EVL: variants seen among roughly 807,000 people sequenced by gnomAD.
EVL encodes the protein Enah/Vasp-like.
A neutral mutation model predicts 59.6 loss-of-function variants in EVL; 21 were observed. That is an observed-to-expected ratio of 0.35 (90% CI 0.25 to 0.51). The LOEUF is 0.51. Ranked by LOEUF, EVL falls within the 20% of genes least tolerant of loss-of-function variation. The probability of loss-of-function intolerance (pLI) is 0.97; values close to 1 mark genes in which losing one functional copy is unlikely to be tolerated. For missense variants in EVL, 462 were observed against 546.6 expected (o/e 0.85, Z 1.54); for synonymous variants, 198 against 203.5 (o/e 0.97, Z 0.23).
chr14:99,988,690 G>A (rs763674967), intron 1 of EVL, among the ~76,000 whole-genome samples: 2 of 152,142 alleles, frequency 1.3e-5, no homozygotes, highest in African/African-American at 4.8e-5. Context: ...AAATGTTCAC[G>A]AATCGATGAA....
chr14:100,005,431 A>G (rs745750567), intron 1 of EVL, among the ~76,000 whole-genome samples: 8 of 152,186 alleles, frequency 5.3e-5, no homozygotes, highest in Non-Finnish European at 1.2e-4. Context: ...TGTAACCCCT[A>G]TGCCAAATTT....
At chr14:100,053,161 T>C (rs2061673052) in intron 1 of EVL, among the ~76,000 whole-genome samples, 1 of 152,194 alleles carries the variant, frequency 6.6e-6, no homozygotes, top group Non-Finnish European at 1.5e-5. Context: ...GGCTTCAACA[T>C]ATGAATTTTG....
intron 4 of EVL, among the ~76,000 whole-genome samples, chr14:100,124,363 G>A (rs1161781782): frequency 6.6e-6 from 1 of 152,166 alleles, no homozygotes; most frequent in Non-Finnish European, 1.5e-5. Flanking sequence ...CTCACCAAAT[G>A]GCATACGGAC....
intron 2 of EVL, among the ~76,000 whole-genome samples, chr14:100,089,315 C>T (rs947506476): frequency 1.3e-5 from 2 of 152,176 alleles, no homozygotes; most frequent in African/African-American, 4.8e-5. Flanking sequence ...CTATAGCCAA[C>T]AACTGTACGA....
intron 4 of EVL, 73 bp downstream of exon 4, chr14:100,123,675 G>A (rs1887844940): frequency 6.6e-7 from 1 of 1,509,650 alleles, no homozygotes; most frequent in Non-Finnish European, 9.2e-7. Context: ...GCCTTCAGCG[G>A]GTGAGGATGC....
chr14:100,128,249 G>A (rs549062134), intron 5 of EVL, among the ~76,000 whole-genome samples: 8 of 152,344 alleles, frequency 5.3e-5, no homozygotes, highest in African/African-American at 1.7e-4. Flanking sequence ...AGAGGAAATT[G>A]CCTGGGCTCA....
chr14:100,141,706 C>T (rs1293290041), intron 12 of EVL, 30 bp from the exon 13 acceptor site: 1 of 1,610,618 alleles, frequency 6.2e-7, no homozygotes, highest in Non-Finnish European at 8.5e-7. Flanking sequence ...CACTGCCTGT[C>T]CCTTCACCTG....
intron 1 of EVL, among the ~76,000 whole-genome samples, chr14:100,082,778 T>C (rs1170472167): frequency 1.3e-5 from 2 of 152,214 alleles, no homozygotes. Context: ...TAGAAGCATC[T>C]CAGACCACAT....
intron 1 of EVL, among the ~76,000 whole-genome samples, chr14:99,993,656 A>G (rs1317606084): frequency 7.0e-6 from 1 of 143,264 alleles, no homozygotes; most frequent in African/African-American, 2.6e-5. Flanking sequence ...TTTATTAATT[A>G]TAAGTCTTTT....
chr14:100,093,295 T>A (rs1481635286), intron 2 of EVL, among the ~76,000 whole-genome samples: 1 of 152,202 alleles, frequency 6.6e-6, no homozygotes, highest in Non-Finnish European at 1.5e-5. Flanking sequence ...TAGAAATACA[T>A]CTTCACAGGA....
At chr14:100,069,371 T>C (rs1452948224) in intron 1 of EVL, among the ~76,000 whole-genome samples, 1 of 152,242 alleles carries the variant, frequency 6.6e-6, no homozygotes, top group East Asian at 1.9e-4. Flanking sequence ...TGTAAAGATA[T>C]AAGAAGTCTC....
intron 1 of EVL, among the ~76,000 whole-genome samples, chr14:100,077,523 A>G (rs1567001581): frequency 6.6e-6 from 1 of 152,226 alleles, no homozygotes; most frequent in Non-Finnish European, 1.5e-5. Flanking sequence ...AGCCATCGAC[A>G]TGGGATTTAT....
intron 1 of EVL, among the ~76,000 whole-genome samples, chr14:100,070,529 G>A (rs759627899): frequency 5.9e-5 from 9 of 152,186 alleles, no homozygotes; most frequent in South Asian, 2.1e-4. Context: ...CCGTGCCTGC[G>A]TGCGTATCTC....
At chr14:100,038,252 T>G (rs2061415974) in intron 1 of EVL, among the ~76,000 whole-genome samples, 1 of 152,214 alleles carries the variant, frequency 6.6e-6, no homozygotes, top group Admixed American at 6.5e-5. Flanking sequence ...TCTGAAGAAG[T>G]TGTGGCAAGT....
chr14:100,070,817 C>G (rs2062034196), intron 1 of EVL, among the ~76,000 whole-genome samples: 1 of 152,230 alleles, frequency 6.6e-6, no homozygotes, highest in African/African-American at 2.4e-5. Context: ...TGTTCCACTT[C>G]ACAAGTGATC....
At chr14:100,137,427 A>T in intron 9 of EVL, 151 bp from the exon 10 acceptor site, 1 of 724,826 alleles carries the variant, frequency 1.4e-6, no homozygotes, top group Non-Finnish European at 2.4e-6. Flanking sequence ...ACAAGGTGCC[A>T]GGTTTTGGCT....
chr14:100,131,642 C>T (rs1207123038), intron 7 of EVL, among the ~76,000 whole-genome samples: 3 of 152,178 alleles, frequency 2.0e-5, no homozygotes, highest in African/African-American at 7.2e-5. Context: ...GGGACACTGG[C>T]TGCTGGGGGG....
intron 2 of EVL, among the ~76,000 whole-genome samples, chr14:100,086,018 A>G (rs964563555): frequency 2.6e-5 from 4 of 152,132 alleles, no homozygotes; most frequent in African/African-American, 7.2e-5. Flanking sequence ...AGTCCCAGCT[A>G]CTTGTGAGGC....
intron 1 of EVL, among the ~76,000 whole-genome samples, chr14:100,047,790 G>C (rs746206742): frequency 1.3e-5 from 2 of 152,152 alleles, no homozygotes; most frequent in Non-Finnish European, 2.9e-5. Context: ...GCTTGGACAC[G>C]TGGGTAGAAA....
Sources: allele counts gnomAD v4.1 joint callset (sites outside exome capture counted in the v4.1 genomes callset), GRCh38; gene constraint gnomAD v4.1.1; transcripts MANE v1.5; gene names NCBI Gene and HGNC (gene_info 2026-07-23, HGNC 2026-07-21).